The following KIAA0825 variants were observed in gnomAD, a reference collection of about 807,000 sequenced individuals.
KIAA0825 encodes the protein uncharacterized protein KIAA0825.
Under a neutral mutation model 147.6 loss-of-function variants are expected in KIAA0825, and 119 were observed. The ratio of observed to expected loss-of-function variants is 0.81; its 90% CI spans 0.69 to 0.94. The LOEUF is 0.94. Among genes scored for constraint, KIAA0825 ranks in the 40% least tolerant of loss-of-function variants. The probability of loss-of-function intolerance (pLI) is 0.00; values close to 1 mark genes in which losing one functional copy is unlikely to be tolerated. For missense variants in KIAA0825, 1,381 were observed against 1,472.7 expected (o/e 0.94, Z 1.02); for synonymous variants, 470 against 518.1 (o/e 0.91, Z 1.26).
chr5:94,331,259 T>G (rs903497902), intron 20 of KIAA0825, among the ~76,000 whole-genome samples: 1 of 151,898 alleles, frequency 6.6e-6, no homozygotes, highest in Non-Finnish European at 1.5e-5. Flanking sequence ...CACTATAGAC[T>G]CTAGAAGCAT....
At chr5:94,360,098 A>G (rs1744857613) in intron 20 of KIAA0825, among the ~76,000 whole-genome samples, 1 of 152,168 alleles carries the variant, frequency 6.6e-6, no homozygotes, top group African/African-American at 2.4e-5. Flanking sequence ...AGAATAAAAA[A>G]TTCTTAGGAC....
At chr5:94,420,605 T>G (rs915871883) in intron 14 of KIAA0825, among the ~76,000 whole-genome samples, 1 of 152,188 alleles carries the variant, frequency 6.6e-6, no homozygotes, top group South Asian at 2.1e-4. Flanking sequence ...GTTCTGCGGA[T>G]GCACATCTTG....
chr5:94,400,328 TA>T (rs1411822693), intron 16 of KIAA0825, among the ~76,000 whole-genome samples: 1 of 152,164 alleles, frequency 6.6e-6, no homozygotes, highest in Non-Finnish European at 1.5e-5. Context: ...TCTAAATTCT[TA>T]AGTGAAAAGA....
At chr5:94,608,293 A>G (rs1022986446) in intron 1 of KIAA0825, among the ~76,000 whole-genome samples, 3 of 135,986 alleles carry the variant, frequency 2.2e-5, no homozygotes, top group African/African-American at 8.4e-5. Context: ...ATAGAGTCTC[A>G]CTCTGTTGCC....
At chr5:94,552,496 A>C (rs1474965241) in intron 2 of KIAA0825, among the ~76,000 whole-genome samples, 2 of 152,218 alleles carry the variant, frequency 1.3e-5, no homozygotes, top group African/African-American at 2.4e-5. Flanking sequence ...TTCAGGACTG[A>C]CCATATGTTA....
intron 20 of KIAA0825, among the ~76,000 whole-genome samples, chr5:94,241,668 A>C (rs1775352382): frequency 6.6e-6 from 1 of 152,160 alleles, no homozygotes; most frequent in Non-Finnish European, 1.5e-5. Flanking sequence ...CCCTTCCTAC[A>C]TTTGGGGAGT....
At chr5:94,256,882 T>G (rs1776276445) in intron 20 of KIAA0825, among the ~76,000 whole-genome samples, 1 of 152,132 alleles carries the variant, frequency 6.6e-6, no homozygotes, top group Non-Finnish European at 1.5e-5. Flanking sequence ...TACTCTAAAT[T>G]TTTATCTTGT....
chr5:94,599,331 G>GT (rs57220290), intron 1 of KIAA0825, among the ~76,000 whole-genome samples: 22,741 of 98,310 alleles, frequency 0.23, 3,280 homozygotes, highest in African/African-American at 0.35. Flanking sequence ...GATTATTTGG[G>GT]TTTTTTTTTT....
intron 20 of KIAA0825, among the ~76,000 whole-genome samples, chr5:94,368,358 A>C (rs894187541): frequency 6.6e-6 from 1 of 152,094 alleles, no homozygotes; most frequent in Non-Finnish European, 1.5e-5. Context: ...TTTTTTGTAG[A>C]AATAGGGTTT....
At chr5:94,189,694 C>T (rs945767391) in intron 20 of KIAA0825, among the ~76,000 whole-genome samples, 1 of 152,150 alleles carries the variant, frequency 6.6e-6, no homozygotes, top group Admixed American at 6.5e-5. Context: ...TATAGGAAGT[C>T]TTTAAATCAG....
At chr5:94,529,244 A>G (rs1024977924) in intron 3 of KIAA0825, among the ~76,000 whole-genome samples, 1 of 123,252 alleles carries the variant, frequency 8.1e-6, no homozygotes, top group Admixed American at 8.0e-5. Flanking sequence ...ATGTATATAT[A>G]CATATATATG....
intron 20 of KIAA0825, among the ~76,000 whole-genome samples, chr5:94,167,383 G>A (rs1485075678): frequency 6.6e-6 from 1 of 152,066 alleles, no homozygotes; most frequent in Non-Finnish European, 1.5e-5. Flanking sequence ...CACTTTAATA[G>A]TTTTGTTTTC....
chr5:94,601,775 C>T (rs1786502455), intron 1 of KIAA0825, among the ~76,000 whole-genome samples: 1 of 152,060 alleles, frequency 6.6e-6, no homozygotes, highest in African/African-American at 2.4e-5. Context: ...AATACTCCAA[C>T]AGGAGGAAAG....
intron 20 of KIAA0825, among the ~76,000 whole-genome samples, chr5:94,168,056 G>C (rs903202758): frequency 6.7e-6 from 1 of 149,072 alleles, no homozygotes; most frequent in African/African-American, 2.4e-5. Context: ...GAAATACATA[G>C]AAATAAATAT....
chr5:94,223,779 A>G (rs531185553), intron 20 of KIAA0825, among the ~76,000 whole-genome samples: 1 of 152,292 alleles, frequency 6.6e-6, no homozygotes, highest in Admixed American at 6.5e-5. Flanking sequence ...AACTAACAAC[A>G]TATGCTAGGT....
intron 2 of KIAA0825, among the ~76,000 whole-genome samples, chr5:94,566,235 T>G (rs546402835): frequency 1.3e-5 from 2 of 152,254 alleles, no homozygotes; most frequent in South Asian, 2.1e-4. Context: ...AAGAAATATA[T>G]CTAGGAAGCA....
rs74381696 is a variant in KIAA0825 at position 94,561,923 on chromosome 5, G to C, written c.-2+20510C>G. Among the ~76,000 whole-genome samples, 6 of 152,152 alleles carry C rather than the reference G, an allele frequency of 3.9e-5. No individual in the cohort carries two copies. The East Asian group carries it at 1.2e-3, about 29-fold the overall frequency. The stretch of plus-strand genomic sequence containing the variant: ...AAAGGCTATATATAACTATAATAAC[G>C]TAACTTGAGTATTATTAAACAGAAA... On this transcript the variant is annotated intron_variant, in intron 2 of 20. Transcript: ENST00000682413.
intron 2 of KIAA0825, among the ~76,000 whole-genome samples, chr5:94,574,653 CA>C (rs1780666016): frequency 6.6e-6 from 1 of 151,624 alleles, no homozygotes; most frequent in African/African-American, 2.4e-5. Flanking sequence ...TGCTGTTTCA[CA>C]ACCTCAGCTC....
chr5:94,417,793 T>A (rs1282996394), intron 14 of KIAA0825, among the ~76,000 whole-genome samples: 1 of 152,184 alleles, frequency 6.6e-6, no homozygotes, highest in Non-Finnish European at 1.5e-5. Flanking sequence ...ATGGGAAAAT[T>A]CACATTTTTA....
Sources: gnomAD v4.1 joint callset for allele counts (sites outside exome capture counted in the v4.1 genomes callset) on GRCh38, gnomAD v4.1.1 for gene constraint, MANE v1.5 for transcripts, NCBI Gene and HGNC (gene_info 2026-07-23, HGNC 2026-07-21) for gene names.